The following ACTMAP variants were observed in gnomAD, a reference collection of about 807,000 sequenced individuals.
The protein encoded by ACTMAP is actin maturation protease, also known as UPF0692 protein C19orf54.
the ACTMAP span, chr19:40,740,978 C>T: frequency 5.0e-6 from 2 of 398,734 alleles, no homozygotes; most frequent in South Asian, 1.3e-4. Flanking sequence ...GGTTCACTCA[C>T]TTGGCAGTCA....
At chr19:40,742,184 C>T in the ACTMAP span, 2 of 666,744 alleles carry the variant, frequency 3.0e-6, no homozygotes, top group African/African-American at 1.8e-5. Context: ...ATGACAGAGG[C>T]GGCCCCTAGT....
the ACTMAP span, among the ~76,000 whole-genome samples, chr19:40,747,978 T>C: frequency 6.6e-6 from 1 of 152,228 alleles, no homozygotes; most frequent in African/African-American, 2.4e-5. Context: ...GCTTCACTTC[T>C]ATGAGCCTCA....
the ACTMAP span, chr19:40,750,392 G>T: frequency 1.3e-5 from 2 of 152,216 alleles, no homozygotes; most frequent in African/African-American, 4.8e-5. Flanking sequence ...GTGGGTTGGA[G>T]AAGACTCAGA....
At chr19:40,744,769 T>C in the ACTMAP span, 1 of 1,482,180 alleles carries the variant, frequency 6.7e-7, no homozygotes, top group Non-Finnish European at 9.0e-7. Flanking sequence ...TTTGCTGCCC[T>C]GGAGGAGTCC....
chr19:40,749,928 G>A, the ACTMAP span: 1 of 753,446 alleles, frequency 1.3e-6, no homozygotes, highest in South Asian at 2.5e-5. Flanking sequence ...TCTGGGGACT[G>A]AGCAGTGGGT....
the ACTMAP span, chr19:40,749,436 G>T: frequency 1.5e-6 from 2 of 1,343,804 alleles, no homozygotes; most frequent in Non-Finnish European, 2.1e-6. Context: ...TCTGTGAAGT[G>T]TCTAGGGCAG....
the ACTMAP span, chr19:40,749,730 C>A: frequency 6.6e-7 from 1 of 1,508,018 alleles, no homozygotes; most frequent in Non-Finnish European, 8.8e-7. Flanking sequence ...AGATGGAATG[C>A]TGCTGGCTTG....
the ACTMAP span, chr19:40,740,924 A>G: frequency 1.8e-3 from 726 of 398,614 alleles, 4 homozygotes; most frequent in African/African-American, 0.014. Flanking sequence ...GTGGGGTAAC[A>G]GGATAATGAG....
chr19:40,744,471 C>T, the ACTMAP span: 1 of 1,551,966 alleles, frequency 6.4e-7, no homozygotes, highest in African/African-American at 1.4e-5. Flanking sequence ...GAATGAGACA[C>T]CCTGACACAC....
chr19:40,747,796 G>A, the ACTMAP span, among the ~76,000 whole-genome samples: 1 of 152,102 alleles, frequency 6.6e-6, no homozygotes, highest in Non-Finnish European at 1.5e-5. Context: ...AGCCTGGGAG[G>A]TTGGGGCTGC....
chr19:40,742,104 C>T, the ACTMAP span: 70,165 of 542,780 alleles, frequency 0.13, 5,281 homozygotes, highest in Admixed American at 0.18. Flanking sequence ...CTGAGGCTGA[C>T]GCAGTTCAGT....
the ACTMAP span, chr19:40,741,786 C>T: frequency 7.9e-5 from 36 of 456,480 alleles, no homozygotes; most frequent in Non-Finnish European, 4.4e-6. Context: ...CATCTAGCAC[C>T]CCCCTTACAG....
the ACTMAP span, chr19:40,742,608 C>A: frequency 6.2e-7 from 1 of 1,612,152 alleles, no homozygotes; most frequent in South Asian, 1.1e-5. Context: ...ATAGTGCCAA[C>A]TCTTGCCCTG....
chr19:40,742,089 G>A, the ACTMAP span: 1 of 524,544 alleles, frequency 1.9e-6, no homozygotes. Context: ...CTAAGGAGGG[G>A]TGAGCTGAGG....
At chr19:40,742,614 C>T in the ACTMAP span, 2 of 1,611,914 alleles carry the variant, frequency 1.2e-6, no homozygotes, top group South Asian at 1.1e-5. Context: ...CCAACTCTTG[C>T]CCTGCTTGGA....
At chr19:40,742,511 G>C in the ACTMAP span, 2 of 1,536,800 alleles carry the variant, frequency 1.3e-6, no homozygotes, top group Non-Finnish European at 1.8e-6. Flanking sequence ...CGGGCACCAC[G>C]TACACCCGGC....
the ACTMAP span, chr19:40,745,019 C>T: frequency 7.6e-7 from 1 of 1,311,016 alleles, no homozygotes. Flanking sequence ...CTTCCCTCCT[C>T]CTCCCAGCAG....
At chr19:40,744,192 G>A in the ACTMAP span, 173 of 1,574,646 alleles carry the variant, frequency 1.1e-4, 1 homozygote, top group East Asian at 2.3e-3. Flanking sequence ...TGCCCATATC[G>A]GCCACTGCAG....
the ACTMAP span, among the ~76,000 whole-genome samples, chr19:40,748,234 C>G: frequency 6.6e-6 from 1 of 152,054 alleles, no homozygotes; most frequent in Non-Finnish European, 1.5e-5. Flanking sequence ...GAGGCTGAGG[C>G]AGGTGGATCA....
Sources: allele counts gnomAD v4.1 joint callset (sites outside exome capture counted in the v4.1 genomes callset), GRCh38; gene constraint gnomAD v4.1.1; transcripts MANE v1.5; gene names NCBI Gene and HGNC (gene_info 2026-07-23, HGNC 2026-07-21).